The following GAP43 variants were observed in gnomAD, a reference collection of about 807,000 sequenced individuals.
GAP43 encodes the protein growth associated protein 43, also known as neuromodulin.
A neutral mutation model predicts 18.6 loss-of-function variants in GAP43; 6 were observed. The ratio of observed to expected loss-of-function variants is 0.32; its 90% CI spans 0.18 to 0.64. The LOEUF is 0.64. Among genes scored for constraint, GAP43 ranks in the 30% least tolerant of loss-of-function variants. The pLI, the probability that GAP43 is intolerant of heterozygous loss-of-function variation, is 0.78. For synonymous variants in GAP43, 115 were observed against 111.4 expected (o/e 1.03, Z -0.20); for missense variants, 292 against 295.5 (o/e 0.99, Z 0.09).
At chr3:115,708,851 AGG>A (rs1206322217) in intron 2 of GAP43, among the ~76,000 whole-genome samples, 7 of 151,582 alleles carry the variant, frequency 4.6e-5, no homozygotes, top group Non-Finnish European at 7.4e-5. Context: ...CAAGGAATGT[AGG>A]ACATCTGAAA....
At chr3:115,651,177 T>TA (rs1244748576) in intron 1 of GAP43, among the ~76,000 whole-genome samples, 1 of 152,102 alleles carries the variant, frequency 6.6e-6, no homozygotes, top group Non-Finnish European at 1.5e-5. Context: ...TCTGTCACAC[T>TA]GAGAAACCTT....
At chr3:115,643,032 A>G (rs1708416032) in intron 1 of GAP43, among the ~76,000 whole-genome samples, 1 of 152,072 alleles carries the variant, frequency 6.6e-6, no homozygotes, top group South Asian at 2.1e-4. Flanking sequence ...ATGCTAATAT[A>G]CATTGTTTCT....
intron 1 of GAP43, among the ~76,000 whole-genome samples, chr3:115,639,988 C>A (rs902255815): frequency 2.6e-5 from 4 of 151,964 alleles, no homozygotes; most frequent in African/African-American, 9.7e-5. Flanking sequence ...ATTAAATATA[C>A]CTCTTTGGGG....
chr3:115,630,269 C>CA (rs1431752488), intron 1 of GAP43, among the ~76,000 whole-genome samples: 1 of 152,128 alleles, frequency 6.6e-6, no homozygotes, highest in African/African-American at 2.4e-5. Flanking sequence ...TGTGTGTGCT[C>CA]AAAAATTAAT....
intron 1 of GAP43, among the ~76,000 whole-genome samples, chr3:115,672,766 C>CTCCTCTCCTCTCCTT (rs1311730440): frequency 3.4e-5 from 5 of 147,572 alleles, no homozygotes; most frequent in Non-Finnish European, 4.5e-5. Flanking sequence ...CTCCTCTCCT[C>CTCCTCTCCTCTCCTT]TCCTTTCCTT....
intron 2 of GAP43, among the ~76,000 whole-genome samples, chr3:115,699,976 A>G (rs1709276965): frequency 6.6e-6 from 1 of 152,174 alleles, no homozygotes; most frequent in African/African-American, 2.4e-5. Context: ...ACAGGAAACT[A>G]TGCAGTGGGA....
rs1263644111 is a variant in GAP43, at chr3:115,683,143, G to GCACACACACA, written c.628+6534_628+6535insACACACACAC. Among the ~76,000 whole-genome samples the GCACACACACA allele has an allele frequency of 6.9e-4, 87 of 126,108 alleles. 1 individual carries two copies. The highest frequency in any genetic ancestry group is 1.3e-3 in the South Asian group (5 of 3,734). 82.7% of individuals were successfully genotyped at this position (126,108 alleles called of 152,430 possible). ...TACATGTGCGCGCGCGTGCGCGCGCGCGCGCACACACACACACACACACAC... is the reference window on the plus strand; with the variant it reads ...TACATGTGCGCGCGCGTGCGCGCGCGCACACACACACGCGCACACACACACACACACACAC... On this transcript the variant is annotated intron_variant, in intron 2 of 2. Coordinates refer to ENST00000305124, the MANE Select transcript of GAP43 (RefSeq NM_002045.4).
At chr3:115,705,510 G>C (rs1577001053) in intron 2 of GAP43, among the ~76,000 whole-genome samples, 5 of 152,218 alleles carry the variant, frequency 3.3e-5, no homozygotes, top group Admixed American at 3.3e-4. Context: ...AAGATAGTTG[G>C]TTAACTTTCT....
At chr3:115,654,940 A>T (rs1708562009) in intron 1 of GAP43, among the ~76,000 whole-genome samples, 1 of 152,194 alleles carries the variant, frequency 6.6e-6, no homozygotes, top group Non-Finnish European at 1.5e-5. Flanking sequence ...GGGGGCATCT[A>T]GCAGGGAAGT....
chr3:115,635,859 TG>T (rs1018629837), intron 1 of GAP43, among the ~76,000 whole-genome samples: 1 of 152,122 alleles, frequency 6.6e-6, no homozygotes, highest in Non-Finnish European at 1.5e-5. Flanking sequence ...CCAATTTTGC[TG>T]TCATGGTTGT....
chr3:115,649,822 A>AGAAAG (rs1553720858), intron 1 of GAP43, among the ~76,000 whole-genome samples: 21 of 137,260 alleles, frequency 1.5e-4, no homozygotes, highest in South Asian at 4.8e-4. Flanking sequence ...AAAAAAAAAA[A>AGAAAG]AAAGAAAGAA....
chr3:115,659,183 G>C (rs962416563), intron 1 of GAP43, among the ~76,000 whole-genome samples: 19 of 152,262 alleles, frequency 1.2e-4, no homozygotes, highest in African/African-American at 4.6e-4. Context: ...AAACTAAACA[G>C]CAATGCTCTG....
At chr3:115,720,360 T>C (rs1023500184) in intron 2 of GAP43, among the ~76,000 whole-genome samples, 5 of 152,186 alleles carry the variant, frequency 3.3e-5, no homozygotes, top group Admixed American at 2.6e-4. Flanking sequence ...TTTTCAATAC[T>C]GGAAATGAGT....
chr3:115,714,890 C>CACAT (rs1709485529), intron 2 of GAP43, among the ~76,000 whole-genome samples: 1 of 151,808 alleles, frequency 6.6e-6, no homozygotes, highest in Non-Finnish European at 1.5e-5. Context: ...CACACACACA[C>CACAT]ACACACATAC....
intron 1 of GAP43, among the ~76,000 whole-genome samples, chr3:115,639,309 T>C (rs1448704931): frequency 6.6e-6 from 1 of 152,136 alleles, no homozygotes; most frequent in Non-Finnish European, 1.5e-5. Flanking sequence ...TACTTTAGTG[T>C]AGTCAGAAAG....
At chr3:115,700,625 T>A (rs1291597329) in intron 2 of GAP43, among the ~76,000 whole-genome samples, 1 of 152,162 alleles carries the variant, frequency 6.6e-6, no homozygotes, top group Non-Finnish European at 1.5e-5. Flanking sequence ...TATATTATTA[T>A]GTACACTGAA....
At chr3:115,640,409 C>A (rs1323812788) in intron 1 of GAP43, among the ~76,000 whole-genome samples, 1 of 151,990 alleles carries the variant, frequency 6.6e-6, no homozygotes, top group Non-Finnish European at 1.5e-5. Flanking sequence ...TGGGTAAAAC[C>A]ACTTAGAGCC....
At chr3:115,675,986 C>G (rs992441782) in intron 1 of GAP43, 27 bp from the exon 2 acceptor site, 1 of 1,571,410 alleles carries the variant, frequency 6.4e-7, no homozygotes, top group Non-Finnish European at 8.6e-7. Context: ...TTGAAGCCCT[C>G]TCTTTTCCCT....
chr3:115,697,067 G>C (rs1709201712), intron 2 of GAP43, among the ~76,000 whole-genome samples: 1 of 151,898 alleles, frequency 6.6e-6, no homozygotes, highest in African/African-American at 2.4e-5. Flanking sequence ...TCAAACTCCT[G>C]ACCTCAAGTG....
Sources: allele counts gnomAD v4.1 joint callset (sites outside exome capture counted in the v4.1 genomes callset), GRCh38; gene constraint gnomAD v4.1.1; transcripts MANE v1.5; gene names NCBI Gene and HGNC (gene_info 2026-07-23, HGNC 2026-07-21).